Variants in POU6F2 observed in about 807,000 individuals in gnomAD.
POU6F2 encodes the protein POU class 6 homeobox 2.
A neutral mutation model predicts 71.3 loss-of-function variants in POU6F2; 31 were observed. That is an observed-to-expected ratio of 0.43 (90% CI 0.33 to 0.59). The LOEUF (loss-of-function observed/expected upper bound fraction) is 0.59, where lower values mean the gene tolerates loss of function less well. Among genes scored for constraint, POU6F2 ranks in the 20% least tolerant of loss-of-function variants. The pLI, the probability that POU6F2 is intolerant of heterozygous loss-of-function variation, is 0.04. For missense variants in POU6F2, 783 were observed against 856.8 expected, an observed-to-expected ratio of 0.91 and a Z score of 1.07; for synonymous variants, 347 against 355.7, an observed-to-expected ratio of 0.98 and a Z score of 0.27.
intron 4 of POU6F2, among the ~76,000 whole-genome samples, chr7:39,284,857 A>C (rs1175747851): frequency 6.6e-6 from 1 of 152,328 alleles, no homozygotes; most frequent in East Asian, 1.9e-4. Flanking sequence ...TGACCATATA[A>C]GATGCCCAAA....
rs781108353 is a variant in POU6F2 at position 39,339,771 on chromosome 7, A to G, written c.728A>G (p.Gln243Arg). ...HPQPAPQAPS[Q>R]SQQQPLQPTP... Reference sequence around the variant, plus strand: ...CAACCAGCCCCACAGGCGCCCTCGCAGTCCCAGCAGCAGCCGCTGCAGCCC... The same window carrying G: ...CAACCAGCCCCACAGGCGCCCTCGCGGTCCCAGCAGCAGCCGCTGCAGCCC... Residue 243 changes from glutamine (Q) to arginine (R), a missense_variant, in exon 5 of 10, where the codon CAG becomes CGG. This residue lies in a region of POU6F2 where 572 missense variants were observed against 572.9 expected (regional missense o/e 1.00). Coordinates refer to ENST00000518318, the MANE Select transcript of POU6F2 (RefSeq NM_001370959.1). 1 of 1,583,488 alleles carries G rather than the reference A, an allele frequency of 6.3e-7. No homozygotes were observed. Among genetic ancestry groups the G allele is most frequent in the Admixed American group, 1.8e-5 (1 of 54,240 alleles).
At chr7:39,344,858 G>T (rs1378497756) in intron 5 of POU6F2, among the ~76,000 whole-genome samples, 4 of 152,114 alleles carry the variant, frequency 2.6e-5, no homozygotes. Context: ...TAACTCCTTT[G>T]TGTGGCTACT....
At chr7:39,385,556 C>T (rs567802425) in intron 5 of POU6F2, among the ~76,000 whole-genome samples, 2 of 152,316 alleles carry the variant, frequency 1.3e-5, no homozygotes, top group African/African-American at 2.4e-5. Context: ...CACCCTTGTG[C>T]GACCTGCTGT....
chr7:39,197,816 C>T (rs1793818063), intron 2 of POU6F2, among the ~76,000 whole-genome samples: 1 of 152,238 alleles, frequency 6.6e-6, no homozygotes, highest in African/African-American at 2.4e-5. Flanking sequence ...TTTGAACTCA[C>T]TGTGATGTAC....
intron 7 of POU6F2, among the ~76,000 whole-genome samples, chr7:39,449,167 T>G (rs1280572689): frequency 6.6e-6 from 1 of 152,188 alleles, no homozygotes; most frequent in Non-Finnish European, 1.5e-5. Context: ...ACAAGGTGGT[T>G]TCCTGGGAAG....
At chr7:39,440,972 T>C (rs1298151573) in intron 7 of POU6F2, among the ~76,000 whole-genome samples, 1 of 152,120 alleles carries the variant, frequency 6.6e-6, no homozygotes, top group Non-Finnish European at 1.5e-5. Flanking sequence ...TGCAGTTTGC[T>C]GGGAGGTTCA....
At chr7:39,018,772 A>G (rs1789616246) in intron 1 of POU6F2, among the ~76,000 whole-genome samples, 1 of 152,232 alleles carries the variant, frequency 6.6e-6, no homozygotes, top group African/African-American at 2.4e-5. Flanking sequence ...CAGTGCCACT[A>G]AAAGTAGAAA....
intron 5 of POU6F2, among the ~76,000 whole-genome samples, chr7:39,387,728 G>A (rs1380095484): frequency 1.3e-5 from 2 of 152,178 alleles, no homozygotes; most frequent in African/African-American, 2.4e-5. Flanking sequence ...AGATGCTCTC[G>A]AGCTGCTGTC....
At chr7:39,239,334 A>G (rs899361101) in intron 4 of POU6F2, among the ~76,000 whole-genome samples, 1 of 151,896 alleles carries the variant, frequency 6.6e-6, no homozygotes, top group African/African-American at 2.4e-5. Context: ...CCAAAATCCA[A>G]AAAAATCTCT....
chr7:39,136,166 C>G (rs1179263288), intron 2 of POU6F2, among the ~76,000 whole-genome samples: 2 of 152,074 alleles, frequency 1.3e-5, no homozygotes, highest in South Asian at 4.2e-4. Context: ...TACTTTTGCC[C>G]AAATTAACAA....
intron 6 of POU6F2, among the ~76,000 whole-genome samples, chr7:39,428,105 G>A (rs1788016235): frequency 6.6e-6 from 1 of 152,232 alleles, no homozygotes; most frequent in South Asian, 2.1e-4. Context: ...CTTCATTATG[G>A]CTTAAGTTAT....
chr7:39,139,055 G>T (rs1463555750), intron 2 of POU6F2, among the ~76,000 whole-genome samples: 1 of 152,148 alleles, frequency 6.6e-6, no homozygotes, highest in Non-Finnish European at 1.5e-5. Context: ...ATGCTCTGTT[G>T]TCACCCTCTT....
chr7:39,073,573 AGGGTCACCCTT>A (rs1790933614), intron 1 of POU6F2, among the ~76,000 whole-genome samples: 2 of 152,294 alleles, frequency 1.3e-5, no homozygotes, highest in South Asian at 4.1e-4. Context: ...AGGACAGTCA[AGGGTCACCCTT>A]GGAATATTAA....
At chr7:39,039,324 A>G (rs1790129931) in intron 1 of POU6F2, among the ~76,000 whole-genome samples, 2 of 151,986 alleles carry the variant, frequency 1.3e-5, no homozygotes, top group South Asian at 4.1e-4. Flanking sequence ...TTATTAAAAG[A>G]AAATGAATCA....
intron 4 of POU6F2, among the ~76,000 whole-genome samples, chr7:39,263,238 T>G (rs910757910): frequency 3.9e-5 from 6 of 152,222 alleles, no homozygotes; most frequent in Non-Finnish European, 8.8e-5. Context: ...TTTTCAGTAT[T>G]AAAATAAAAT....
chr7:39,339,097 A>AG (rs1785853041), intron 4 of POU6F2, among the ~76,000 whole-genome samples: 1 of 151,820 alleles, frequency 6.6e-6, no homozygotes, highest in Non-Finnish European at 1.5e-5. Context: ...AAAAAAAAAA[A>AG]CAGTTAGAAA....
intron 5 of POU6F2, among the ~76,000 whole-genome samples, chr7:39,362,170 C>G (rs1337230136): frequency 6.6e-6 from 1 of 151,808 alleles, no homozygotes; most frequent in African/African-American, 2.4e-5. Context: ...TTAAATTGCT[C>G]AAAAAGCATC....
intron 6 of POU6F2, among the ~76,000 whole-genome samples, chr7:39,430,687 A>G (rs1254532005): frequency 6.6e-6 from 1 of 152,114 alleles, no homozygotes; most frequent in Non-Finnish European, 1.5e-5. Context: ...TGTAACTGTC[A>G]TGTGCTGTGC....
At chr7:38,986,054 G>A (rs1184855482) in intron 1 of POU6F2, among the ~76,000 whole-genome samples, 1 of 151,880 alleles carries the variant, frequency 6.6e-6, no homozygotes, top group Non-Finnish European at 1.5e-5. Flanking sequence ...TAACACACAC[G>A]CACACTCACA....
Sources: allele counts gnomAD v4.1 joint callset (sites outside exome capture counted in the v4.1 genomes callset), GRCh38; gene constraint gnomAD v4.1.1; regional missense constraint gnomAD v4.1.1; transcripts MANE v1.5; gene names NCBI Gene and HGNC (gene_info 2026-07-23, HGNC 2026-07-21).